BCL2L13: variants seen among roughly 807,000 people sequenced by gnomAD.
BCL2L13 encodes bcl-2-like protein 13.
BCL2L13 carries 13 observed loss-of-function variants against 25.8 expected under a neutral mutation model. That is an observed-to-expected ratio of 0.50 (90% CI 0.33 to 0.80). The LOEUF (loss-of-function observed/expected upper bound fraction) is 0.80. Among genes scored for constraint, BCL2L13 ranks in the 30% least tolerant of loss-of-function variants. The pLI, the probability that BCL2L13 is intolerant of heterozygous loss-of-function variation, is 0.02. For missense variants in BCL2L13, 504 were observed against 574.9 expected, an observed-to-expected ratio of 0.88 and a Z score of 1.26; for synonymous variants, 244 against 230.3, an observed-to-expected ratio of 1.06 and a Z score of -0.54.
chr22:17,652,741 A>G (rs2058727472), intron 1 of BCL2L13, among the ~76,000 whole-genome samples: 1 of 152,102 alleles, frequency 6.6e-6, no homozygotes, highest in Non-Finnish European at 1.5e-5. Context: ...CCCGGCCATC[A>G]GATTTCTTGA....
intron 1 of BCL2L13, among the ~76,000 whole-genome samples, chr22:17,642,129 CTTTTTTTTTT>C (rs35772364): frequency 1.6e-4 from 11 of 67,658 alleles, no homozygotes; most frequent in African/African-American, 5.9e-4. Flanking sequence ...TGGCTTCTCT[CTTTTTTTTTT>C]TTTTTTTTTT....
At chr22:17,691,653 A>T (rs866354646) in intron 4 of BCL2L13, among the ~76,000 whole-genome samples, 1 of 150,892 alleles carries the variant, frequency 6.6e-6, no homozygotes, top group Non-Finnish European at 1.5e-5. Flanking sequence ...CTCAAAAACA[A>T]AAAAAAAAGA....
chr22:17,639,961 TCTC>T (rs2058213663), intron 1 of BCL2L13, among the ~76,000 whole-genome samples: 1 of 152,032 alleles, frequency 6.6e-6, no homozygotes, highest in East Asian at 1.9e-4. Context: ...TTCAAGCCAT[TCTC>T]CTGCCTCAGC....
intron 2 of BCL2L13, among the ~76,000 whole-genome samples, chr22:17,663,251 A>G (rs1252199769): frequency 6.6e-6 from 1 of 152,158 alleles, no homozygotes. Context: ...CTAGCTTAAG[A>G]GTGAGTAGTA....
chr22:17,648,535 A>C (rs1233642386), intron 1 of BCL2L13, among the ~76,000 whole-genome samples: 6 of 152,180 alleles, frequency 3.9e-5, no homozygotes, highest in South Asian at 4.1e-4. Context: ...CCATCGCTAC[A>C]AAAAATTTAA....
At chr22:17,697,616 A>G (rs1266033766) in intron 5 of BCL2L13, among the ~76,000 whole-genome samples, 2 of 152,146 alleles carry the variant, frequency 1.3e-5, no homozygotes, top group Non-Finnish European at 2.9e-5. Flanking sequence ...CTTATTAAGC[A>G]TATTATCAGG....
chr22:17,727,513 C>T lies in BCL2L13; in HGVS notation c.1437C>T (p.Ala479=). The T allele has an allele frequency of 6.2e-7, 1 of 1,614,034 alleles. No homozygotes were observed. The highest frequency in any genetic ancestry group is 8.5e-7 in the Non-Finnish European group (1 of 1,179,958). Residue 479 remains alanine (A), a synonymous_variant, in exon 7 of 7, where the codon GCC becomes GCT. Transcript: ENST00000317582. ...TCCTGGCAGTGGCCATCGGGGTAGC[C>T]CTGGCTCTGAGAAAGAAATAGGAGG... ...VAILAVAIGV[A]LALRKK is the part of the protein sequence containing the mutation.
exon 1 of BCL2L13, chr22:17,628,941 G>A (rs1397774247): frequency 8.4e-6 from 4 of 475,738 alleles, no homozygotes; most frequent in African/African-American, 3.9e-5. Flanking sequence ...TTGGGTAGGA[G>A]GAAGAAAAGA....
At chr22:17,717,813 G>T (rs554480194) in intron 6 of BCL2L13, among the ~76,000 whole-genome samples, 11 of 152,180 alleles carry the variant, frequency 7.2e-5, no homozygotes, top group African/African-American at 2.4e-4. Context: ...GAGGCCAGGC[G>T]TGGTGGCTCA....
intron 2 of BCL2L13, among the ~76,000 whole-genome samples, chr22:17,681,739 T>C (rs1352470991): frequency 6.6e-6 from 1 of 152,088 alleles, no homozygotes; most frequent in Non-Finnish European, 1.5e-5. Flanking sequence ...TTTGATTTAA[T>C]ATAGTCCATG....
Position 17,727,603 on chromosome 22 carries a change from C to T in BCL2L13, c.*69C>T, listed in dbSNP as rs559277522. 1.5e-5 allele frequency: 23 copies of T among 1,573,966 alleles called. No homozygotes were observed. Among genetic ancestry groups the T allele is most frequent in the Admixed American group, 5.2e-5 (3 of 57,756 alleles). On this transcript the variant is annotated 3_prime_UTR_variant, in exon 7 of 7. Coordinates refer to ENST00000317582, the MANE Select transcript of BCL2L13 (RefSeq NM_015367.4). ...TTGTATTGGCTGGAATTTGAACCTC[C>T]AGCAGCTGTCTGGACATTTGTGGAA...
At chr22:17,658,631 T>A (rs1396779554) in intron 2 of BCL2L13, among the ~76,000 whole-genome samples, 1 of 144,692 alleles carries the variant, frequency 6.9e-6, no homozygotes, top group African/African-American at 2.6e-5. Context: ...GAGGCGGAGG[T>A]TGCAGTGAGC....
intron 2 of BCL2L13, among the ~76,000 whole-genome samples, chr22:17,680,517 AAAAAAAAAAAAAAAAAAAAAAAAAG>A (rs1197365551): frequency 1.3e-4 from 11 of 82,428 alleles, no homozygotes; most frequent in South Asian, 6.7e-4. Flanking sequence ...GTCTCAAAAA[AAAAAAAAAAAAAAAAAAAAAAAAAG>A]AAAAAAAGAC....
At chr22:17,670,285 C>CT (rs2059374886) in intron 2 of BCL2L13, among the ~76,000 whole-genome samples, 3 of 150,822 alleles carry the variant, frequency 2.0e-5, no homozygotes, top group Admixed American at 2.0e-4. Flanking sequence ...ATTGGCTTGT[C>CT]TATTTCTGGA....
chr22:17,670,138 A>G (rs1332820073), intron 2 of BCL2L13, among the ~76,000 whole-genome samples: 2 of 152,064 alleles, frequency 1.3e-5, no homozygotes, highest in African/African-American at 2.4e-5. Context: ...ACCTGTTGTT[A>G]TACCATACTA....
intron 2 of BCL2L13, among the ~76,000 whole-genome samples, chr22:17,672,595 T>G (rs1262408195): frequency 6.6e-6 from 1 of 152,242 alleles, no homozygotes; most frequent in Non-Finnish European, 1.5e-5. Context: ...GAGGATTAAT[T>G]AAATGCAAAT....
intron 2 of BCL2L13, among the ~76,000 whole-genome samples, chr22:17,657,667 A>G (rs1037460963): frequency 6.6e-6 from 1 of 151,646 alleles, no homozygotes; most frequent in Non-Finnish European, 1.5e-5. Flanking sequence ...ACGTGCCACC[A>G]TGCCTGGCTA....
At chr22:17,687,944 A>C (rs1446487250) in intron 3 of BCL2L13, among the ~76,000 whole-genome samples, 1 of 150,198 alleles carries the variant, frequency 6.7e-6, no homozygotes, top group Non-Finnish European at 1.5e-5. Flanking sequence ...CAGGCTCCTG[A>C]GTAGCTGGGG....
At chr22:17,638,434 A>C, upstream of BCL2L13, 3 of 379,806 alleles carry the variant, frequency 7.9e-6, no homozygotes, top group Non-Finnish European at 1.4e-5. Flanking sequence ...GAAACGCAAT[A>C]CATGTTTGTG....
Sources: gnomAD v4.1 joint callset for allele counts (sites outside exome capture counted in the v4.1 genomes callset) on GRCh38, gnomAD v4.1.1 for gene constraint, MANE v1.5 for transcripts, NCBI Gene and HGNC (gene_info 2026-07-23, HGNC 2026-07-21) for gene names.